GABRB2: variants seen among roughly 807,000 people sequenced by gnomAD.
GABRB2 encodes the protein gamma-aminobutyric acid receptor subunit beta-2.
In GABRB2, 16 loss-of-function variants were observed where a neutral mutation model predicts 54.7. The observed-to-expected ratio is 0.29, with a 90% CI of 0.20 to 0.44. GABRB2 has a LOEUF of 0.44. GABRB2 is among the 20% of genes least tolerant of loss of function. GABRB2 has a pLI of 1.00. For synonymous variants in GABRB2, 244 were observed against 233.8 expected, an observed-to-expected ratio of 1.04 and a Z score of -0.40; for missense variants, 355 against 644.0, an observed-to-expected ratio of 0.55 and a Z score of 4.86.
At chr5:161,446,422 T>A (rs1397277532) in intron 4 of GABRB2, among the ~76,000 whole-genome samples, 1 of 152,166 alleles carries the variant, frequency 6.6e-6, no homozygotes, top group East Asian at 1.9e-4. Context: ...GTAATCAAAG[T>A]GAATAATTGC....
chr5:161,478,996 C>T (rs1758674813), intron 3 of GABRB2, among the ~76,000 whole-genome samples: 1 of 151,962 alleles, frequency 6.6e-6, no homozygotes, highest in African/African-American at 2.4e-5. Context: ...AGTACATATC[C>T]CTGCTTTCAT....
At chr5:161,350,726 G>T (rs1343119737) in intron 5 of GABRB2, among the ~76,000 whole-genome samples, 1 of 152,060 alleles carries the variant, frequency 6.6e-6, no homozygotes, top group South Asian at 2.1e-4. Context: ...TGCCAGTGCA[G>T]CCAGGATAAA....
At chr5:161,499,881 T>G (rs745649070) in intron 3 of GABRB2, among the ~76,000 whole-genome samples, 21 of 152,068 alleles carry the variant, frequency 1.4e-4, no homozygotes, top group Admixed American at 1.4e-3. Flanking sequence ...GAAAGTACTA[T>G]ATCTTGTAGC....
chr5:161,406,398 G>A (rs959404671), intron 5 of GABRB2, among the ~76,000 whole-genome samples: 11 of 152,034 alleles, frequency 7.2e-5, no homozygotes, highest in African/African-American at 2.4e-4. Context: ...TAAAATCTAC[G>A]AAGGTTGAGA....
intron 3 of GABRB2, among the ~76,000 whole-genome samples, chr5:161,519,063 T>C (rs1760036455): frequency 1.3e-5 from 2 of 152,160 alleles, no homozygotes; most frequent in South Asian, 2.1e-4. Flanking sequence ...AATGAACATG[T>C]TGAGATGGCC....
chr5:161,450,187 A>G (rs1478964250), intron 4 of GABRB2, among the ~76,000 whole-genome samples: 1 of 152,088 alleles, frequency 6.6e-6, no homozygotes, highest in Admixed American at 6.6e-5. Flanking sequence ...TCCTAAAGCA[A>G]TCCCCTTCAC....
intron 3 of GABRB2, among the ~76,000 whole-genome samples, chr5:161,528,831 T>G (rs1240907890): frequency 2.6e-5 from 4 of 151,874 alleles, no homozygotes; most frequent in Non-Finnish European, 4.4e-5. Context: ...GAACAACAGA[T>G]TATTCCCGAT....
chr5:161,546,852 A>ATG, upstream of GABRB2: 10 of 1,045,606 alleles, frequency 9.6e-6, no homozygotes, highest in Non-Finnish European at 1.3e-5. Flanking sequence ...ATGTATATGT[A>ATG]TAATACATAC....
At position 161,459,794 on chromosome 5, in the gene GABRB2, C is replaced by T. The variant is rs1345898045; in HGVS notation, c.288G>A (p.Leu96=). The change falls in exon 4 of 10, where the codon CTG becomes CTA. Residue 96 remains leucine (L), a synonymous_variant. Transcript: ENST00000393959. ...AGTTTAAAGGTATTACATTATAGGA[C>T]AGCCTCTTATCTCTCCAGGCTTGTT... is the stretch of plus-strand genomic sequence containing the variant. ...YFQQAWRDKR[L]SYNVIPLNLT... The T allele has an allele frequency of 4.3e-6, 7 of 1,613,736 alleles. No individual in the cohort carries two copies. The highest frequency in any genetic ancestry group is 2.2e-5 in the East Asian group (1 of 44,874).
chr5:161,344,947 GA>G (rs755831197), intron 5 of GABRB2, among the ~76,000 whole-genome samples: 5 of 152,070 alleles, frequency 3.3e-5, no homozygotes, highest in Non-Finnish European at 7.4e-5. Context: ...CACAGGAACA[GA>G]AAACCAAACA....
intron 8 of GABRB2, chr5:161,330,023 G>C (rs1753783638): frequency 6.6e-6 from 1 of 152,134 alleles, no homozygotes; most frequent in African/African-American, 2.4e-5. Context: ...ATAACTTGGG[G>C]AACTTTTTAA....
intron 4 of GABRB2, among the ~76,000 whole-genome samples, chr5:161,424,024 T>C (rs1242825435): frequency 6.6e-6 from 1 of 152,152 alleles, no homozygotes; most frequent in African/African-American, 2.4e-5. Context: ...AGAAAAGCTC[T>C]AAATCTCTTT....
At chr5:161,413,336 A>G (rs1561641642) in intron 4 of GABRB2, among the ~76,000 whole-genome samples, 1 of 152,104 alleles carries the variant, frequency 6.6e-6, no homozygotes, top group Non-Finnish European at 1.5e-5. Context: ...TTAACAATAG[A>G]TACATTTTAA....
rs531726667 is a variant in GABRB2 at position 161,376,067 on chromosome 5, A to G, written c.541+34908T>C. 1.1e-3 allele frequency among the ~76,000 whole-genome samples: 173 copies of G among 152,308 alleles called. 1 individual carries two copies. The highest frequency in any genetic ancestry group is 3.1e-3 in the Admixed American group (48 of 15,282). ...TTATTCCATAATACCCTCAGGATTT[A>G]GCCACATAGTCTAAAATCTATTAAG... is the stretch of plus-strand genomic sequence containing the variant. On this transcript the variant is annotated intron_variant, in intron 5 of 9. Transcript: ENST00000393959.
chr5:161,516,119 A>G lies in GABRB2; in HGVS notation c.237+29108T>C, dbSNP rs1644184601. ...TTATCTCTCACCTTTATTTTCCTCA[A>G]ATGCAAAATAGTACCTACTAGCAAG... is the stretch of plus-strand genomic sequence containing the variant. On this transcript the variant is annotated intron_variant, in intron 3 of 9. Transcript: ENST00000393959. Among the ~76,000 whole-genome samples, 3 of 152,322 alleles carry G rather than the reference A, an allele frequency of 2.0e-5. No homozygotes were observed. In the South Asian group the frequency reaches 6.2e-4, roughly 32 times the overall value.
intron 5 of GABRB2, among the ~76,000 whole-genome samples, chr5:161,388,909 C>T (rs1755731304): frequency 6.6e-6 from 1 of 151,568 alleles, no homozygotes; most frequent in African/African-American, 2.4e-5. Context: ...GTGCCATAAG[C>T]CTTGAATAAT....
chr5:161,498,477 C>T (rs945503446), intron 3 of GABRB2, among the ~76,000 whole-genome samples: 1 of 152,106 alleles, frequency 6.6e-6, no homozygotes, highest in African/African-American at 2.4e-5. Flanking sequence ...GTTGCACTCA[C>T]CAAATCAAGA....
rs372327363 is a variant in GABRB2 at position 161,336,568 on chromosome 5, G to A, written c.679+64C>T. ...TCCCTGGGACAGAACTCTAATATAA[G>A]TGAACATGTTTAACAAAATACGGTG... On this transcript the variant is annotated intron_variant, in intron 6 of 9. Coordinates refer to ENST00000393959, the MANE Select transcript of GABRB2 (RefSeq NM_001371727.1). 3.4e-5 allele frequency: 53 copies of A among 1,566,874 alleles called. 2 individuals are homozygous for A. The South Asian group carries it at 3.6e-4, about 11-fold the overall frequency.
At position 161,340,871 on chromosome 5, in the gene GABRB2, G is replaced by A. The variant is rs756876430; in HGVS notation, c.542-4102C>T. On this transcript the variant is annotated intron_variant, in intron 5 of 9. Coordinates refer to ENST00000393959, the MANE Select transcript of GABRB2 (RefSeq NM_001371727.1). ...AACCACATTTATAGAACTCTCCAAC[G>A]TTCTGGAAATTGCTAATAAGAAGTT... Among the ~76,000 whole-genome samples, 21 of 151,976 alleles carry A rather than the reference G, an allele frequency of 1.4e-4. 1 individual carries two copies. Among genetic ancestry groups the A allele is most frequent in the Non-Finnish European group, 2.4e-4 (16 of 67,938 alleles).
Sources: allele counts gnomAD v4.1 joint callset (sites outside exome capture counted in the v4.1 genomes callset), GRCh38; gene constraint gnomAD v4.1.1; transcripts MANE v1.5; gene names NCBI Gene and HGNC (gene_info 2026-07-23, HGNC 2026-07-21).